Variants in ZNF385D observed in about 807,000 individuals in gnomAD.
ZNF385D encodes zinc finger protein 659.
Under a neutral mutation model 35.8 loss-of-function variants are expected in ZNF385D, and 15 were observed. The observed-to-expected ratio is 0.42, with a 90% confidence interval of 0.28 to 0.64. The LOEUF (loss-of-function observed/expected upper bound fraction) is 0.64. Ranked by LOEUF, ZNF385D falls within the 30% of genes least tolerant of loss-of-function variation. The probability of loss-of-function intolerance (pLI) is 0.23; values close to 1 mark genes in which losing one functional copy is unlikely to be tolerated. For synonymous variants in ZNF385D, 212 were observed against 186.8 expected (o/e 1.13, Z -1.10); for missense variants, 474 against 494.6 (o/e 0.96, Z 0.39).
chr3:22,132,762 C>T (rs1703876798), intron 3 of ZNF385D, among the ~76,000 whole-genome samples: 1 of 151,882 alleles, frequency 6.6e-6, no homozygotes, highest in African/African-American at 2.4e-5. Context: ...TTACCCATGT[C>T]TTTATCTAAA....
intron 3 of ZNF385D, among the ~76,000 whole-genome samples, chr3:21,908,727 T>C (rs17010070): frequency 0.012 from 1,817 of 152,150 alleles, 32 homozygotes; most frequent in African/African-American, 0.042. Context: ...CTCAACTCCA[T>C]CTATTTTTCA....
At chr3:22,244,365 A>T (rs972618107) in intron 2 of ZNF385D, among the ~76,000 whole-genome samples, 12 of 4,696 alleles carry the variant, frequency 2.6e-3, no homozygotes, top group East Asian at 0.033. Context: ...AACCGAATGT[A>T]AAAAAAAAAA....
intron 1 of ZNF385D, among the ~76,000 whole-genome samples, chr3:21,739,363 G>A (rs1034414744): frequency 5.3e-5 from 8 of 152,172 alleles, no homozygotes; most frequent in African/African-American, 1.9e-4. Flanking sequence ...CTGCGGTGGA[G>A]GAGCTGCCTT....
intron 2 of ZNF385D, among the ~76,000 whole-genome samples, chr3:22,265,432 T>C (rs1489152537): frequency 6.6e-6 from 1 of 151,992 alleles, no homozygotes; most frequent in Non-Finnish European, 1.5e-5. Flanking sequence ...TCTTTGTATC[T>C]AAATAATAAA....
chr3:21,669,912 G>C lies in ZNF385D; in HGVS notation c.23-4884C>G, dbSNP rs957003965. On this transcript the variant is annotated intron_variant, in intron 1 of 7. Coordinates refer to ENST00000281523, the MANE Select transcript of ZNF385D (RefSeq NM_024697.3). ...TGAAATACTCCATGAGAGTGCGGTG[G>C]TTTTCTCTCCATAATACAACGCTTT... is the stretch of plus-strand genomic sequence containing the variant. 2.0e-5 allele frequency among the ~76,000 whole-genome samples: 3 copies of C among 152,138 alleles called. No individual in the cohort carries two copies. In the East Asian group the frequency reaches 5.8e-4, roughly 29 times the overall value.
At chr3:21,984,375 T>C (rs1171114864) in intron 3 of ZNF385D, among the ~76,000 whole-genome samples, 1 of 122,474 alleles carries the variant, frequency 8.2e-6, no homozygotes. Flanking sequence ...GTTTCAGCTT[T>C]CTACATATGG....
intron 4 of ZNF385D, among the ~76,000 whole-genome samples, chr3:21,496,268 T>C (rs1705838034): frequency 6.8e-6 from 1 of 147,012 alleles, no homozygotes; most frequent in Non-Finnish European, 1.5e-5. Context: ...ATATAATTTA[T>C]ATATATATTT....
intron 3 of ZNF385D, among the ~76,000 whole-genome samples, chr3:21,895,743 G>C (rs986791349): frequency 6.6e-6 from 1 of 151,838 alleles, no homozygotes; most frequent in Non-Finnish European, 1.5e-5. Flanking sequence ...CAAGTTTAGG[G>C]GATTCAACTA....
At chr3:21,979,744 GA>G (rs1289667008) in intron 3 of ZNF385D, 1 of 152,208 alleles carries the variant, frequency 6.6e-6, no homozygotes, top group Non-Finnish European at 1.5e-5. Context: ...ATTGGAAGAT[GA>G]AGAGGAGATA....
At chr3:22,169,999 T>C (rs1694299971) in intron 2 of ZNF385D, among the ~76,000 whole-genome samples, 1 of 152,200 alleles carries the variant, frequency 6.6e-6, no homozygotes. Flanking sequence ...TTGTAATCTA[T>C]ATTTAACATC....
At chr3:21,912,476 A>T (rs938436383) in intron 3 of ZNF385D, among the ~76,000 whole-genome samples, 3 of 152,012 alleles carry the variant, frequency 2.0e-5, no homozygotes, top group Non-Finnish European at 4.4e-5. Flanking sequence ...CTTTCCACGG[A>T]TACACAGATA....
chr3:21,570,026 G>A (rs1559416742), intron 2 of ZNF385D, among the ~76,000 whole-genome samples: 1 of 151,288 alleles, frequency 6.6e-6, no homozygotes, highest in Non-Finnish European at 1.5e-5. Context: ...CCTGCACATT[G>A]TGCACATGTA....
intron 3 of ZNF385D, among the ~76,000 whole-genome samples, chr3:21,997,868 CGCGCGT>C (rs750222210): frequency 0.014 from 788 of 56,564 alleles, 5 homozygotes; most frequent in South Asian, 0.046. Context: ...CGCGCGCGCG[CGCGCGT>C]GTGTGTGTGT....
intron 1 of ZNF385D, among the ~76,000 whole-genome samples, chr3:21,678,108 A>T (rs1347525157): frequency 6.6e-6 from 1 of 152,070 alleles, no homozygotes; most frequent in African/African-American, 2.4e-5. Flanking sequence ...AACCCTCAAC[A>T]TTAGGGCATC....
chr3:21,466,193 C>G lies in ZNF385D; in HGVS notation c.440-28990G>C, dbSNP rs183368534. Among the ~76,000 whole-genome samples the G allele has an allele frequency of 2.6e-3, 396 of 152,218 alleles. 1 individual carries two copies. The highest frequency in any genetic ancestry group is 4.8e-3 in the Non-Finnish European group (328 of 68,018). The stretch of plus-strand genomic sequence containing the variant: ...ATCAATCTTTACCTTATAATATGTT[C>G]ATTTTCTCAACATTTTGTAGAACAA... On this transcript the variant is annotated intron_variant, in intron 4 of 7. Coordinates refer to ENST00000281523, the MANE Select transcript of ZNF385D (RefSeq NM_024697.3).
chr3:21,786,054 C>A (rs1347852303), intron 3 of ZNF385D, among the ~76,000 whole-genome samples: 10 of 151,420 alleles, frequency 6.6e-5, no homozygotes, highest in Admixed American at 6.6e-4. Context: ...TTCATTTAAC[C>A]TTCATAAAAA....
chr3:21,523,774 T>A (rs1169900161), intron 3 of ZNF385D, among the ~76,000 whole-genome samples: 2 of 150,774 alleles, frequency 1.3e-5, no homozygotes, highest in African/African-American at 4.9e-5. Context: ...TGTGCAAATT[T>A]TTTTTTTTTT....
At chr3:21,921,520 C>A (rs895671283) in intron 3 of ZNF385D, among the ~76,000 whole-genome samples, 1 of 148,284 alleles carries the variant, frequency 6.7e-6, no homozygotes, top group Admixed American at 6.6e-5. Flanking sequence ...AGAAGTAAAT[C>A]TTATGATATC....
intron 2 of ZNF385D, among the ~76,000 whole-genome samples, chr3:22,359,722 T>C (rs1052366191): frequency 6.6e-6 from 1 of 151,918 alleles, no homozygotes; most frequent in African/African-American, 2.4e-5. Flanking sequence ...CAGTTTGAGA[T>C]AACGGGAATG....
Sources: gnomAD v4.1 joint callset for allele counts (sites outside exome capture counted in the v4.1 genomes callset) on GRCh38, gnomAD v4.1.1 for gene constraint, MANE v1.5 for transcripts, NCBI Gene and HGNC (gene_info 2026-07-23, HGNC 2026-07-21) for gene names.